HSPA4: variants seen among roughly 807,000 people sequenced by gnomAD.
The protein encoded by HSPA4 is heat shock protein family A (Hsp70) member 4, also known as heat shock 70 kDa protein 4.
A neutral mutation model predicts 106.2 loss-of-function variants in HSPA4; 25 were observed. The observed-to-expected ratio is 0.24, with a 90% confidence interval of 0.17 to 0.33. The LOEUF (loss-of-function observed/expected upper bound fraction) is 0.33, where lower values mean the gene tolerates loss of function less well. HSPA4 is among the 10% of genes least tolerant of loss of function. HSPA4 has a pLI of 1.00. For missense variants in HSPA4, 841 were observed against 996.0 expected (o/e 0.84, Z 2.10); for synonymous variants, 332 against 333.6 (o/e 1.00, Z 0.05).
intron 1 of HSPA4, among the ~76,000 whole-genome samples, chr5:133,058,838 C>T (rs1765200103): frequency 6.6e-6 from 1 of 151,392 alleles, no homozygotes; most frequent in Non-Finnish European, 1.5e-5. Context: ...ACAAAAAGTA[C>T]AAAAATTGGC....
At chr5:133,096,787 T>C (rs941371836) in intron 14 of HSPA4, among the ~76,000 whole-genome samples, 6 of 152,210 alleles carry the variant, frequency 3.9e-5, no homozygotes, top group African/African-American at 1.4e-4. Flanking sequence ...TAGTTTTGTC[T>C]TATGGAAACT....
chr5:133,068,952 A>C (rs1041003954), intron 3 of HSPA4, among the ~76,000 whole-genome samples: 10 of 152,176 alleles, frequency 6.6e-5, no homozygotes, highest in African/African-American at 2.2e-4. Context: ...CAGGAGGGAT[A>C]TTTCCCCATC....
intron 7 of HSPA4, among the ~76,000 whole-genome samples, chr5:133,086,137 C>G (rs1377113395): frequency 6.6e-6 from 1 of 152,160 alleles, no homozygotes; most frequent in African/African-American, 2.4e-5. Context: ...TGGGAACTCA[C>G]TGCTGAGGTT....
At chr5:133,073,053 G>A (rs984898066) in intron 4 of HSPA4, among the ~76,000 whole-genome samples, 177 bp from the exon 5 acceptor site, 1 of 152,070 alleles carries the variant, frequency 6.6e-6, no homozygotes, top group African/African-American at 2.4e-5. Flanking sequence ...GTAATGGTAC[G>A]GCTATTTGTT....
chr5:133,100,896 C>T (rs1765776713), intron 16 of HSPA4, among the ~76,000 whole-genome samples: 1 of 152,178 alleles, frequency 6.6e-6, no homozygotes, highest in South Asian at 2.1e-4. Flanking sequence ...GCCTCGACCT[C>T]CCATGCTCAA....
At position 133,090,261 on chromosome 5, in the gene HSPA4, C is replaced by T. The variant is rs113450199; in HGVS notation, c.1378+566C>T. ...CTAACATGGTGAAACCCCGTCTCTACTAAAAAAATACAAAAAAAAATTAGC... is the reference window on the plus strand; with the variant it reads ...CTAACATGGTGAAACCCCGTCTCTATTAAAAAAATACAAAAAAAAATTAGC... On this transcript the variant is annotated intron_variant, in intron 11 of 18. Transcript: ENST00000304858. Among the ~76,000 whole-genome samples, 1,112 of 151,378 alleles carry T rather than the reference C, an allele frequency of 7.3e-3. 4 individuals carry two copies. The highest frequency in any genetic ancestry group is 0.012 in the Admixed American group (184 of 15,196).
intron 1 of HSPA4, among the ~76,000 whole-genome samples, chr5:133,057,393 C>G (rs60600279): frequency 6.7e-6 from 1 of 148,616 alleles, no homozygotes; most frequent in African/African-American, 2.5e-5. Flanking sequence ...ATGTCCCACT[C>G]TGTTGCTCAG....
chr5:133,089,632 C>T lies in HSPA4; in HGVS notation c.1315C>T (p.Pro439Ser), dbSNP rs528427331. 2 of 1,612,232 alleles carry T rather than the reference C, an allele frequency of 1.2e-6. No homozygotes were observed. The highest frequency in any genetic ancestry group is 1.7e-6 in the Non-Finnish European group (2 of 1,178,608). The change falls in exon 11 of 19, where the codon CCT (proline) becomes TCT (serine). Residue 439 changes from proline to serine, a missense_variant. By Grantham distance (74) the Pro-to-Ser change is moderately conservative. Transcript: ENST00000304858. ...SKVLTFYRKE[P>S]FTLEAYYSSP... is the part of the protein sequence containing the mutation. ...AGTTCTTACATTTTATAGAAAGGAA[C>T]CTTTCACTCTTGAGGCCTACTACAG...
intron 6 of HSPA4, among the ~76,000 whole-genome samples, chr5:133,074,766 C>T (rs1765426570): frequency 6.6e-6 from 1 of 152,112 alleles, no homozygotes; most frequent in Non-Finnish European, 1.5e-5. Context: ...CAGTTTTGTA[C>T]ACACAGAAGT....
chr5:133,092,899 C>A (rs554118966), intron 13 of HSPA4, 110 bp downstream of exon 13: 204 of 616,616 alleles, frequency 3.3e-4, no homozygotes, highest in Non-Finnish European at 8.2e-5. Context: ...CGGCTCGCTG[C>A]ATCCTCCACC....
At chr5:133,060,549 G>A (rs1308010438) in intron 1 of HSPA4, among the ~76,000 whole-genome samples, 2 of 152,158 alleles carry the variant, frequency 1.3e-5, no homozygotes, top group South Asian at 4.1e-4. Flanking sequence ...TTTTAGTAGA[G>A]ACGGGTTTCA....
At chr5:133,095,903 A>AT (rs745498632) in intron 13 of HSPA4, among the ~76,000 whole-genome samples, 195 bp from the exon 14 acceptor site, 44 of 152,258 alleles carry the variant, frequency 2.9e-4, no homozygotes, top group Admixed American at 5.9e-4. Flanking sequence ...ATTTTTATGA[A>AT]TTTGACTGCT....
Position 133,073,359 on chromosome 5 carries a change from C to A in HSPA4, c.529+30C>A, listed in dbSNP as rs570264755. ...GGAGGACCGTTGATTATTTTTTTGA[C>A]TTGGTTAATCTTGAAGATTGTGAAA... On this transcript the variant is annotated intron_variant, in intron 5 of 18. Transcript: ENST00000304858. 5.0e-6 allele frequency: 7 copies of A among 1,402,062 alleles called. No homozygotes were observed. In the Admixed American group the frequency reaches 7.5e-5, roughly 15 times the overall value. 86.9% of individuals were successfully genotyped at this position (1,402,062 alleles called of 1,614,324 possible).
chr5:133,077,922 A>T (rs1410402246), intron 7 of HSPA4, among the ~76,000 whole-genome samples: 5 of 152,190 alleles, frequency 3.3e-5, no homozygotes, highest in African/African-American at 1.2e-4. Flanking sequence ...GTCTGGAGGT[A>T]AGCCAGTATG....
chr5:133,088,293 TG>T, intron 8 of HSPA4, 110 bp from the exon 9 acceptor site: 1 of 700,786 alleles, frequency 1.4e-6, no homozygotes, highest in Non-Finnish European at 2.5e-6. Context: ...GTTGCGGAGG[TG>T]GGTGAGGGAG....
rs760184577 is a variant in HSPA4 at position 133,099,558 on chromosome 5, T to A, written c.1943T>A (p.Phe648Tyr). 6.3e-7 allele frequency: 1 copy of A among 1,583,330 alleles called. No individual in the cohort carries two copies. The highest frequency in any genetic ancestry group is 2.2e-5 in the East Asian group (1 of 44,628). ...CTTTATCATTAGGATCGTAACAGTTTTACTTTGAAACTGGAAGATACTGAA... is the reference window on the plus strand; with the variant it reads ...CTTTATCATTAGGATCGTAACAGTTATACTTTGAAACTGGAAGATACTGAA... ...KFVSEDDRNS[F>Y]TLKLEDTENW... Residue 648 changes from phenylalanine to tyrosine, a missense_variant, in exon 16 of 19, where the codon TTT becomes TAT. Physicochemically the swap from Phe to Tyr is conservative, Grantham distance 22. This residue lies in a region of HSPA4 where 328 missense variants were observed against 372.2 expected (regional missense o/e 0.88). Coordinates refer to ENST00000304858, the MANE Select transcript of HSPA4 (RefSeq NM_002154.4).
intron 12 of HSPA4, 61 bp from the exon 13 acceptor site, chr5:133,092,639 A>G (rs887687772): frequency 6.7e-6 from 7 of 1,047,492 alleles, no homozygotes; most frequent in African/African-American, 3.2e-5. Context: ...GACTTTGTCA[A>G]TGTGTAATGA....
At chr5:133,066,140 A>G (rs1418466413) in intron 2 of HSPA4, among the ~76,000 whole-genome samples, 1 of 152,236 alleles carries the variant, frequency 6.6e-6, no homozygotes, top group African/African-American at 2.4e-5. Flanking sequence ...CCTGCTTTTC[A>G]TGATTGAGAG....
At position 133,062,912 on chromosome 5, in the gene HSPA4, A is replaced by G. The variant is rs189707862; in HGVS notation, c.108-2068A>G. ...GGGCTCTTAAGTTTATGTTTCTACC[A>G]AATCAGTAGTTCATCTAATTTAGTC... On this transcript the variant is annotated intron_variant, in intron 1 of 18. Coordinates refer to ENST00000304858, the MANE Select transcript of HSPA4 (RefSeq NM_002154.4). 3.5e-4 allele frequency among the ~76,000 whole-genome samples: 53 copies of G among 152,288 alleles called. No homozygotes were observed. In the East Asian group the frequency reaches 9.8e-3, roughly 28 times the overall value.
Sources: gnomAD v4.1 joint callset for allele counts (sites outside exome capture counted in the v4.1 genomes callset) on GRCh38, gnomAD v4.1.1 for gene constraint, gnomAD v4.1.1 regional missense constraint, MANE v1.5 for transcripts, NCBI Gene and HGNC (gene_info 2026-07-23, HGNC 2026-07-21) for gene names.